Variants in ZBP1 observed in about 807,000 individuals in gnomAD.
ZBP1 encodes the protein Z-DNA binding protein 1, also known as Z-DNA-binding protein 1.
ZBP1 carries 42 observed loss-of-function variants against 41.1 expected under a neutral mutation model. The ratio of observed to expected loss-of-function variants is 1.02; its 90% CI spans 0.80 to 1.32. The LOEUF (loss-of-function observed/expected upper bound fraction) is 1.32, where lower values mean the gene tolerates loss of function less well. ZBP1 is among the 40% of genes most tolerant of loss of function. ZBP1 has a pLI of 0.00. For missense variants in ZBP1, 562 were observed against 549.7 expected, an observed-to-expected ratio of 1.02 and a Z score of -0.22; for synonymous variants, 214 against 205.2, an observed-to-expected ratio of 1.04 and a Z score of -0.37.
rs2070447030 is a variant in ZBP1 at position 57,604,487 on chromosome 20, G to A, written c.*86C>T. 31 of 1,518,566 alleles carry A rather than the reference G, an allele frequency of 2.0e-5. No homozygotes were observed. In the South Asian group the frequency reaches 2.7e-4, roughly 13 times the overall value. The allele number at this position is 1,518,566 out of a possible 1,614,324, so 94.1% of individuals were successfully genotyped here. On this transcript the variant is annotated 3_prime_UTR_variant, in exon 8 of 8. Coordinates refer to ENST00000371173, the MANE Select transcript of ZBP1 (RefSeq NM_030776.3). ...TGGAAGCAAGCAGGTCAAACAAGACGCTAAGGAATGCAGAGAGCAGCAGGC... is the reference window on the plus strand; with the variant it reads ...TGGAAGCAAGCAGGTCAAACAAGACACTAAGGAATGCAGAGAGCAGCAGGC...
In ZBP1 at chr20:57,610,166, TC is replaced by T. The variant is rs1321179490; in HGVS notation, c.1075del (p.Glu359SerfsTer41). On this transcript the variant is annotated frameshift_variant, in exon 7 of 8. Transcript: ENST00000371173. LOFTEE classifies it low-confidence loss of function (END_TRUNC). This position sits in a 1 kb window ranked among gnomAD's most constrained non-coding sequence, Gnocchi z 5.5. ...TAGCTCACCTGCGTCCTCCCCTGGC[TC>T]CCCCTCTCCAGACCCTGCGACTCCT... is the stretch of plus-strand genomic sequence containing the variant. Reference protein sequence around the residue: ...PGGVAGSGEGEPGEDAGRRPA... With the variant: ...PGGVAGSGEGXPGEDAGRRPA... The T allele has an allele frequency of 6.8e-6, 11 of 1,613,554 alleles. No homozygotes were observed. Among genetic ancestry groups the T allele is most frequent in the Non-Finnish European group, 9.3e-6 (11 of 1,179,940 alleles).
chr20:57,611,634 T>G, intron 6 of ZBP1, 93 bp downstream of exon 6: 1 of 1,345,862 alleles, frequency 7.4e-7, no homozygotes, highest in Admixed American at 2.3e-5. Context: ...TTTCCCATCA[T>G]GCTTCTCTTC....
At chr20:57,614,692 C>T (rs2070769304) in intron 4 of ZBP1, among the ~76,000 whole-genome samples, 195 bp downstream of exon 4, 1 of 152,222 alleles carries the variant, frequency 6.6e-6, no homozygotes, top group South Asian at 2.1e-4. Context: ...TGGGCCACGC[C>T]TCCAAAAAGC....
intron 3 of ZBP1, 125 bp from the exon 4 acceptor site, chr20:57,615,185 G>A: frequency 1.8e-6 from 2 of 1,086,446 alleles, no homozygotes; most frequent in South Asian, 3.0e-5. Flanking sequence ...TGTAAAATGG[G>A]TGTCATGATA....
intron 4 of ZBP1, 65 bp downstream of exon 4, chr20:57,614,822 C>A: frequency 6.3e-7 from 1 of 1,590,912 alleles, no homozygotes; most frequent in Non-Finnish European, 8.6e-7. Flanking sequence ...GAGCACCCAG[C>A]AAAGACCAAG....
chr20:57,604,826 C>T, intron 7 of ZBP1, 57 bp from the exon 8 acceptor site: 1 of 1,500,966 alleles, frequency 6.7e-7, no homozygotes, highest in Non-Finnish European at 9.1e-7. Context: ...GGCATTTCCA[C>T]AGGGACCCGC....
At chr20:57,609,908 C>T (rs1335479311) in intron 7 of ZBP1, among the ~76,000 whole-genome samples, 1 of 152,146 alleles carries the variant, frequency 6.6e-6, no homozygotes, top group Non-Finnish European at 1.5e-5. Flanking sequence ...TCTTGCCATC[C>T]CACTTTACAG....
rs1405483167 is a variant in ZBP1, at chr20:57,620,299, G to A, written c.-4C>T. 6.3e-7 allele frequency: 1 copy of A among 1,596,082 alleles called. No homozygotes were observed. ...GGTCAGCAGGAGCCTGGGCCATGCTGACAGCAGCTGCAAGGAGTCGGAGAG... is the reference window on the plus strand; with the variant it reads ...GGTCAGCAGGAGCCTGGGCCATGCTAACAGCAGCTGCAAGGAGTCGGAGAG... On this transcript the variant is annotated 5_prime_UTR_variant, in exon 1 of 8. Transcript: ENST00000371173.
In ZBP1 at chr20:57,613,157, A is replaced by G. The variant is rs757651744; in HGVS notation, c.670+6T>C. On this transcript the variant is annotated splice_donor_region_variant and intron_variant, in intron 5 of 7. Transcript: ENST00000371173. The surrounding 1 kb of genome is among the most constrained non-coding windows in gnomAD (Gnocchi z 4.5). ...TCCCCTCCCTGGGCTCTCTTGGGTGACTTACCGTCCTCCCTGGAGACTGTC... is the reference window on the plus strand; with the variant it reads ...TCCCCTCCCTGGGCTCTCTTGGGTGGCTTACCGTCCTCCCTGGAGACTGTC... 7.2e-5 allele frequency: 116 copies of G among 1,613,734 alleles called. No homozygotes were observed. The highest frequency in any genetic ancestry group is 6.9e-5 in the Non-Finnish European group (81 of 1,179,994).
At chr20:57,614,434 T>C (rs930157826) in intron 4 of ZBP1, among the ~76,000 whole-genome samples, 8 of 152,166 alleles carry the variant, frequency 5.3e-5, no homozygotes, top group African/African-American at 1.7e-4. Context: ...CATGCACCTA[T>C]TGGATCTTGG....
intron 7 of ZBP1, among the ~76,000 whole-genome samples, chr20:57,606,065 A>G (rs551926675): frequency 1.3e-5 from 2 of 152,370 alleles, no homozygotes; most frequent in Admixed American, 6.5e-5. Context: ...AGGCATGTCC[A>G]AAGCTAAGAC....
In ZBP1 at chr20:57,617,854, G is replaced by GA. The variant is rs59115564; in HGVS notation, c.35-1387dup. On this transcript the variant is annotated intron_variant, in intron 1 of 7. Coordinates refer to ENST00000371173, the MANE Select transcript of ZBP1 (RefSeq NM_030776.3). ...CAGCCTGGACAAGACCCCATCTCTG[G>GA]AAAAAAAAAAAAAAAGGACTGAATG... 1,217 of 132,466 alleles carry GA rather than the reference G, an allele frequency of 9.2e-3. 10 individuals are homozygous for GA. The highest frequency in any genetic ancestry group is 0.02 in the Middle Eastern group (5 of 256). 8.2% of individuals were successfully genotyped at this position (132,466 alleles called of 1,614,324 possible).
Position 57,613,113 on chromosome 20 carries a change from C to T in ZBP1, c.670+50G>A, listed in dbSNP as rs184861014. On this transcript the variant is annotated intron_variant, in intron 5 of 7. Coordinates refer to ENST00000371173, the MANE Select transcript of ZBP1 (RefSeq NM_030776.3). The surrounding 1 kb of genome is among the most constrained non-coding windows in gnomAD (Gnocchi z 4.5). ...ACCCTTTGCCCCCACCCAGAGGATC[C>T]GGTGGCTCCCCACCGAGGTCCCCTC... is the stretch of plus-strand genomic sequence containing the variant. The T allele has an allele frequency of 5.1e-4, 824 of 1,610,740 alleles. 10 individuals carry two copies. In the East Asian group the frequency reaches 0.013, roughly 26 times the overall value.
intron 1 of ZBP1, chr20:57,617,753 A>G (rs981057702): frequency 1.3e-5 from 2 of 152,126 alleles, no homozygotes; most frequent in Non-Finnish European, 2.9e-5. Flanking sequence ...CAGCTGCTTA[A>G]GAGGCTAAAA....
rs1166623330 is a variant in ZBP1 at position 57,610,328 on chromosome 20, G to A, written c.914C>T (p.Ala305Val). Reference protein sequence around the residue: ...TAAGPEASFEARIPSPGTHPE... With the variant: ...TAAGPEASFEVRIPSPGTHPE... ...GTGAGTTCCTGGACTGGGAATTCTT[G>A]CTTCAAACGAAGCTTCTGGGCCGGC... Residue 305 changes from alanine (A) to valine (V), a missense_variant, in exon 7 of 8, where the codon GCA (alanine) becomes GTA (valine). Transcript: ENST00000371173. The surrounding 1 kb of genome is among the most constrained non-coding windows in gnomAD (Gnocchi z 5.5). 2 of 1,614,138 alleles carry A rather than the reference G, an allele frequency of 1.2e-6. No individual in the cohort carries two copies. Among genetic ancestry groups the A allele is most frequent in the Non-Finnish European group, 1.7e-6 (2 of 1,180,016 alleles).
chr20:57,604,350 A>C lies in ZBP1; in HGVS notation c.*223T>G. On this transcript the variant is annotated 3_prime_UTR_variant, in exon 8 of 8. Coordinates refer to ENST00000371173, the MANE Select transcript of ZBP1 (RefSeq NM_030776.3). The stretch of plus-strand genomic sequence containing the variant: ...TACCCACCTCCTCTTGGCACACCAA[A>C]GGTTCCCCAAGGCAACTCCCTGTCA... 1 of 674,762 alleles carries C rather than the reference A, an allele frequency of 1.5e-6. No homozygotes were observed. Among genetic ancestry groups the C allele is most frequent in the Non-Finnish European group, 2.7e-6 (1 of 370,014 alleles). The allele number at this position is 674,762 out of a possible 1,614,324, so 41.8% of individuals were successfully genotyped here.
At chr20:57,618,171 CA>C (rs1249613286) in intron 1 of ZBP1, 8 of 152,478 alleles carry the variant, frequency 5.2e-5, no homozygotes, top group African/African-American at 1.9e-4. Context: ...CAGCACCTGG[CA>C]GCCAGCAGCC....
At chr20:57,612,227 AC>A (rs1465342528) in intron 5 of ZBP1, among the ~76,000 whole-genome samples, 3 of 152,074 alleles carry the variant, frequency 2.0e-5, no homozygotes, top group African/African-American at 4.8e-5. Flanking sequence ...CCTCATGGGG[AC>A]CAAGTCTCGT....
At chr20:57,606,342 T>C (rs1321550675) in intron 7 of ZBP1, among the ~76,000 whole-genome samples, 1 of 152,204 alleles carries the variant, frequency 6.6e-6, no homozygotes, top group Admixed American at 6.5e-5. Flanking sequence ...GAAGAATAGT[T>C]GGAAGTGAGC....
Sources: allele counts gnomAD v4.1 joint callset (sites outside exome capture counted in the v4.1 genomes callset), GRCh38; gene constraint gnomAD v4.1.1; non-coding constraint Gnocchi (gnomAD v3.1); transcripts MANE v1.5; gene names NCBI Gene and HGNC (gene_info 2026-07-23, HGNC 2026-07-21).